Variants in EYS observed in about 807,000 individuals in gnomAD.
EYS encodes the protein EGF-like photoreceptor maintenance factor, also known as protein eyes shut homolog.
In EYS, 250 loss-of-function variants were observed where a neutral mutation model predicts 282.1. The observed-to-expected ratio is 0.89, with a 90% CI of 0.80 to 0.98. The LOEUF is 0.98. Among genes scored for constraint, EYS ranks in the 50% least tolerant of loss-of-function variants. EYS has a pLI of 0.00. For synonymous variants in EYS, 1,355 were observed against 1,282.9 expected, an observed-to-expected ratio of 1.06 and a Z score of -1.20; for missense variants, 4,016 against 3,709.0, an observed-to-expected ratio of 1.08 and a Z score of -2.15.
chr6:64,304,362 C>T (rs1268061637), intron 30 of EYS, among the ~76,000 whole-genome samples: 1 of 152,082 alleles, frequency 6.6e-6, no homozygotes. Flanking sequence ...AATAGCCACT[C>T]TCAATAATTA....
intron 22 of EYS, among the ~76,000 whole-genome samples, chr6:64,642,045 A>T (rs1768176241): frequency 6.6e-6 from 1 of 152,158 alleles, no homozygotes; most frequent in South Asian, 2.1e-4. Context: ...CAAAAAGAAC[A>T]ATGTAGTTAG....
intron 14 of EYS, among the ~76,000 whole-genome samples, chr6:64,969,070 T>C (rs540036414): frequency 1.3e-5 from 2 of 152,226 alleles, no homozygotes; most frequent in African/African-American, 4.8e-5. Context: ...TCTGAGTATT[T>C]CACAATCAAC....
chr6:65,232,619 T>C (rs896334120), intron 12 of EYS, among the ~76,000 whole-genome samples: 1 of 152,140 alleles, frequency 6.6e-6, no homozygotes, highest in African/African-American at 2.4e-5. Flanking sequence ...GCTTAAGATC[T>C]GGCATTTGTC....
chr6:65,225,487 G>A (rs960431425), intron 12 of EYS, among the ~76,000 whole-genome samples: 6 of 151,448 alleles, frequency 4.0e-5, no homozygotes, highest in Non-Finnish European at 7.4e-5. Flanking sequence ...AGGTCGAGGC[G>A]GGCAGATCAT....
intron 12 of EYS, among the ~76,000 whole-genome samples, chr6:65,124,607 A>G (rs1775665102): frequency 6.6e-6 from 1 of 151,954 alleles, no homozygotes. Context: ...AATCATAGTG[A>G]CAGTTGCATT....
intron 29 of EYS, among the ~76,000 whole-genome samples, chr6:64,369,557 C>T (rs1406120065): frequency 6.6e-6 from 1 of 152,102 alleles, no homozygotes; most frequent in Non-Finnish European, 1.5e-5. Flanking sequence ...AATGTGTTTT[C>T]ATTTGTTTCT....
At chr6:65,399,934 T>C (rs1400934518) in intron 7 of EYS, among the ~76,000 whole-genome samples, 1 of 152,062 alleles carries the variant, frequency 6.6e-6, no homozygotes, top group Non-Finnish European at 1.5e-5. Context: ...AATTACATGC[T>C]GCAATACAAT....
At chr6:65,381,783 T>C (rs777756772) in intron 8 of EYS, among the ~76,000 whole-genome samples, 8 of 152,004 alleles carry the variant, frequency 5.3e-5, no homozygotes, top group African/African-American at 1.9e-4. Flanking sequence ...AACTCACATA[T>C]AGTTTTGCAT....
At chr6:64,331,234 C>A (rs1212873571) in intron 29 of EYS, among the ~76,000 whole-genome samples, 2 of 151,734 alleles carry the variant, frequency 1.3e-5, no homozygotes, top group African/African-American at 4.9e-5. Context: ...GAGCCATATA[C>A]AAGGAAAGAG....
intron 22 of EYS, among the ~76,000 whole-genome samples, chr6:64,698,324 C>A (rs1234912290): frequency 1.3e-5 from 2 of 151,640 alleles, no homozygotes; most frequent in Non-Finnish European, 2.9e-5. Flanking sequence ...AGAGAATAAC[C>A]AAGATCAAAA....
intron 35 of EYS, among the ~76,000 whole-genome samples, chr6:63,970,634 CAA>C (rs59815225): frequency 5.2e-5 from 7 of 133,830 alleles, no homozygotes; most frequent in Non-Finnish European, 4.8e-5. Flanking sequence ...GACTCCATCT[CAA>C]AAAAAAAAAA....
intron 24 of EYS, among the ~76,000 whole-genome samples, chr6:64,609,059 T>C (rs1186470375): frequency 6.6e-6 from 1 of 152,188 alleles, no homozygotes; most frequent in Non-Finnish European, 1.5e-5. Flanking sequence ...CTTTGGGTGA[T>C]AATGATGTAA....
intron 22 of EYS, among the ~76,000 whole-genome samples, chr6:64,790,958 A>T (rs986717289): frequency 2.0e-5 from 3 of 151,892 alleles, no homozygotes; most frequent in African/African-American, 7.2e-5. Flanking sequence ...TTTAGAGTTC[A>T]TTTGCAAAAT....
intron 37 of EYS, chr6:63,797,338 T>G (rs923898019): frequency 2.6e-5 from 4 of 152,140 alleles, no homozygotes; most frequent in African/African-American, 9.7e-5. Flanking sequence ...AAAATATATA[T>G]CTAGGTCGAT....
At chr6:64,943,170 A>G (rs747356553) in intron 15 of EYS, among the ~76,000 whole-genome samples, 2 of 152,070 alleles carry the variant, frequency 1.3e-5, no homozygotes, top group Non-Finnish European at 2.9e-5. Flanking sequence ...CATGCTAAAA[A>G]TCCTAAATAG....
At chr6:65,595,736 T>G (rs1765381331) in intron 2 of EYS, among the ~76,000 whole-genome samples, 1 of 152,168 alleles carries the variant, frequency 6.6e-6, no homozygotes, top group Admixed American at 6.6e-5. Context: ...GCGACATCAC[T>G]GTCTTTTCAC....
chr6:64,944,469 T>C (rs1769205205), intron 15 of EYS, among the ~76,000 whole-genome samples: 1 of 151,988 alleles, frequency 6.6e-6, no homozygotes, highest in African/African-American at 2.4e-5. Context: ...ATTCTCCCAA[T>C]GTGATAGTCT....
intron 12 of EYS, among the ~76,000 whole-genome samples, chr6:65,147,638 T>C (rs1009538105): frequency 3.3e-5 from 5 of 152,146 alleles, no homozygotes; most frequent in Non-Finnish European, 5.9e-5. Flanking sequence ...ACTTTTCTTA[T>C]ACTTTAATAA....
At position 64,223,041 on chromosome 6, in the gene EYS, G is replaced by C. The variant is rs569892404; in HGVS notation, c.6424+7551C>G. ...CTTTCCTCTGCTTTTCAAAGTTCTGGTGACTTTCTATTTTTTAAGTTTTGG... is the reference window on the plus strand; with the variant it reads ...CTTTCCTCTGCTTTTCAAAGTTCTGCTGACTTTCTATTTTTTAAGTTTTGG... On this transcript the variant is annotated intron_variant, in intron 31 of 42. Transcript: ENST00000503581. Among the ~76,000 whole-genome samples the C allele has an allele frequency of 1.9e-4, 29 of 151,936 alleles. No individual in the cohort carries two copies. In the South Asian group the frequency reaches 5.0e-3, roughly 26 times the overall value.
Sources: allele counts gnomAD v4.1 joint callset (sites outside exome capture counted in the v4.1 genomes callset), GRCh38; gene constraint gnomAD v4.1.1; transcripts MANE v1.5; gene names NCBI Gene and HGNC (gene_info 2026-07-23, HGNC 2026-07-21).